Variants in KCNIP4 observed in about 807,000 individuals in gnomAD.
KCNIP4 encodes the protein Kv channel-interacting protein 4.
Under a neutral mutation model 34.0 loss-of-function variants are expected in KCNIP4, and 12 were observed. That is an observed-to-expected ratio of 0.35 (90% CI 0.23 to 0.57). The LOEUF (loss-of-function observed/expected upper bound fraction) is 0.57, where lower values mean the gene tolerates loss of function less well. KCNIP4 is among the 20% of genes least tolerant of loss of function. The pLI, the probability that KCNIP4 is intolerant of heterozygous loss-of-function variation, is 0.83. For missense variants in KCNIP4, 238 were observed against 311.7 expected, an observed-to-expected ratio of 0.76 and a Z score of 1.78; for synonymous variants, 124 against 102.2, an observed-to-expected ratio of 1.21 and a Z score of -1.29.
chr4:21,152,086 C>T (rs1752800629), intron 1 of KCNIP4, among the ~76,000 whole-genome samples: 1 of 152,036 alleles, frequency 6.6e-6, no homozygotes. Context: ...AAACTTGTCT[C>T]TACTAAAAAT....
At chr4:21,257,211 G>C (rs1018776878) in intron 1 of KCNIP4, among the ~76,000 whole-genome samples, 2 of 152,196 alleles carry the variant, frequency 1.3e-5, no homozygotes, top group African/African-American at 4.8e-5. Flanking sequence ...TAAAAAGCAA[G>C]AGTTCCACTT....
chr4:21,714,909 AT>A (rs1190993994), intron 1 of KCNIP4, among the ~76,000 whole-genome samples: 4 of 256 alleles, frequency 0.016, 1 homozygote, highest in Admixed American at 0.14. Flanking sequence ...ATTTTATTTT[AT>A]TTTATTTTAT....
At chr4:21,427,118 G>T (rs187239938) in intron 1 of KCNIP4, among the ~76,000 whole-genome samples, 1 of 151,672 alleles carries the variant, frequency 6.6e-6, no homozygotes, top group Non-Finnish European at 1.5e-5. Flanking sequence ...TACTTAGTAG[G>T]AACCTTAACA....
chr4:20,753,853 A>C (rs1754053071), intron 4 of KCNIP4, among the ~76,000 whole-genome samples: 1 of 152,170 alleles, frequency 6.6e-6, no homozygotes, highest in Non-Finnish European at 1.5e-5. Context: ...ACTTGCATAC[A>C]GCGGCTGCTT....
chr4:21,114,466 AGTG>A (rs2109114050), intron 1 of KCNIP4, among the ~76,000 whole-genome samples: 1 of 152,296 alleles, frequency 6.6e-6, no homozygotes, highest in African/African-American at 2.4e-5. Context: ...TTTTCTTAAA[AGTG>A]AAGTAAGACT....
At chr4:21,714,807 T>A (rs936341566) in intron 1 of KCNIP4, among the ~76,000 whole-genome samples, 1 of 240 alleles carries the variant, frequency 4.2e-3, no homozygotes, top group Non-Finnish European at 6.2e-3. Context: ...TTATTTTATT[T>A]TATTTTATTT....
intron 1 of KCNIP4, among the ~76,000 whole-genome samples, chr4:21,404,028 C>T (rs994614991): frequency 6.6e-6 from 1 of 152,178 alleles, no homozygotes; most frequent in Non-Finnish European, 1.5e-5. Flanking sequence ...CAAACCGTAG[C>T]CCATACTTTC....
intron 1 of KCNIP4, among the ~76,000 whole-genome samples, chr4:21,809,923 G>A (rs947412264): frequency 6.6e-6 from 1 of 152,168 alleles, no homozygotes; most frequent in Non-Finnish European, 1.5e-5. Context: ...AAAGAAGTAA[G>A]GCATTAATCC....
intron 1 of KCNIP4, among the ~76,000 whole-genome samples, chr4:21,365,017 T>C (rs1194987303): frequency 1.3e-5 from 2 of 152,152 alleles, no homozygotes; most frequent in South Asian, 2.1e-4. Context: ...AATGGAAAAC[T>C]GGAAAAGCCA....
chr4:21,168,440 T>C (rs1753791234), intron 1 of KCNIP4, among the ~76,000 whole-genome samples: 1 of 152,162 alleles, frequency 6.6e-6, no homozygotes, highest in Admixed American at 6.6e-5. Context: ...TATCCATACC[T>C]GGAAAAGTTT....
At chr4:21,608,328 A>G (rs113972636) in intron 1 of KCNIP4, among the ~76,000 whole-genome samples, 6 of 152,330 alleles carry the variant, frequency 3.9e-5, no homozygotes, top group African/African-American at 1.4e-4. Context: ...TGAAACCTCT[A>G]GAGGAATGTC....
intron 1 of KCNIP4, among the ~76,000 whole-genome samples, chr4:21,605,768 C>T (rs1015284536): frequency 6.6e-6 from 1 of 152,150 alleles, no homozygotes; most frequent in African/African-American, 2.4e-5. Flanking sequence ...GCGTGATCCA[C>T]TGTGCCTGGC....
At chr4:21,431,641 C>T (rs1726458135) in intron 1 of KCNIP4, among the ~76,000 whole-genome samples, 1 of 151,914 alleles carries the variant, frequency 6.6e-6, no homozygotes, top group African/African-American at 2.4e-5. Context: ...AGGTACAGAG[C>T]ATGAGTTAGC....
intron 1 of KCNIP4, among the ~76,000 whole-genome samples, chr4:21,385,595 C>A (rs140781132): frequency 6.6e-6 from 1 of 152,026 alleles, no homozygotes; most frequent in Non-Finnish European, 1.5e-5. Context: ...AGAATGATTG[C>A]GAATAGCAAA....
At chr4:20,914,537 T>A (rs921774475) in intron 1 of KCNIP4, among the ~76,000 whole-genome samples, 25 of 151,976 alleles carry the variant, frequency 1.6e-4, no homozygotes, top group Non-Finnish European at 2.6e-4. Context: ...CTGTTGTTTA[T>A]AAGCCACTCA....
intron 2 of KCNIP4, among the ~76,000 whole-genome samples, chr4:20,871,703 A>C (rs1723480385): frequency 6.6e-6 from 1 of 152,132 alleles, no homozygotes; most frequent in Admixed American, 6.6e-5. Flanking sequence ...TGGTCTTTAC[A>C]TATTCTTCAT....
intron 1 of KCNIP4, among the ~76,000 whole-genome samples, chr4:21,739,716 A>G (rs978577715): frequency 6.6e-6 from 1 of 152,130 alleles, no homozygotes; most frequent in Non-Finnish European, 1.5e-5. Context: ...GCTTGTTAAA[A>G]TAAGTTATGT....
chr4:21,079,697 T>C (rs1236408592), intron 1 of KCNIP4, among the ~76,000 whole-genome samples: 1 of 151,836 alleles, frequency 6.6e-6, no homozygotes, highest in Non-Finnish European at 1.5e-5. Context: ...TGCTAATCAG[T>C]TGACTGGAAT....
chr4:21,244,350 C>A (rs1013354557), intron 1 of KCNIP4, among the ~76,000 whole-genome samples: 1 of 152,166 alleles, frequency 6.6e-6, no homozygotes, highest in African/African-American at 2.4e-5. Flanking sequence ...TGGCTAAAGG[C>A]CAATGTCACT....
Sources: gnomAD v4.1 joint callset for allele counts (sites outside exome capture counted in the v4.1 genomes callset) on GRCh38, gnomAD v4.1.1 for gene constraint, MANE v1.5 for transcripts, NCBI Gene and HGNC (gene_info 2026-07-23, HGNC 2026-07-21) for gene names.